Variants in TMEM167A observed in about 807,000 individuals in gnomAD.
The protein encoded by TMEM167A is protein kish-A.
TMEM167A carries 8 observed loss-of-function variants against 11.6 expected under a neutral mutation model. The observed-to-expected ratio is 0.69, with a 90% CI of 0.40 to 1.24. The LOEUF (loss-of-function observed/expected upper bound fraction) is 1.24. Among genes scored for constraint, TMEM167A ranks in the 50% most tolerant of loss-of-function variants. TMEM167A has a pLI of 0.01. For synonymous variants in TMEM167A, 22 were observed against 28.0 expected, an observed-to-expected ratio of 0.79 and a Z score of 0.67; for missense variants, 62 against 87.0, an observed-to-expected ratio of 0.71 and a Z score of 1.14.
At chr5:83,069,708 T>A (rs1342099222) in intron 1 of TMEM167A, among the ~76,000 whole-genome samples, 1 of 152,100 alleles carries the variant, frequency 6.6e-6, no homozygotes, top group Non-Finnish European at 1.5e-5. Context: ...ATAGAACACA[T>A]CATACTGTAC....
At chr5:83,057,755 T>C (rs902010133) in intron 3 of TMEM167A, among the ~76,000 whole-genome samples, 5 of 152,130 alleles carry the variant, frequency 3.3e-5, no homozygotes, top group African/African-American at 1.2e-4. Flanking sequence ...AAAGTAGAAC[T>C]AAAACTAACC....
intron 2 of TMEM167A, 104 bp from the exon 3 acceptor site, chr5:83,062,015 C>A (rs557914690): frequency 3.3e-5 from 30 of 908,460 alleles, no homozygotes; most frequent in Non-Finnish European, 4.4e-5. Context: ...AACATATTAA[C>A]CTTTAACACT....
At position 83,069,603 on chromosome 5, in the gene TMEM167A, C is replaced by T. The variant is rs143223173; in HGVS notation, c.4-4486G>A. 3.9e-5 allele frequency among the ~76,000 whole-genome samples: 6 copies of T among 152,116 alleles called. No homozygotes were observed. The East Asian group carries it at 9.7e-4, about 25-fold the overall frequency. ...GCGTCCAATCTCAACTCAAGATTCACCTCCTCTGATGTCTTTCCTGTTCCC... is the reference window on the plus strand; with the variant it reads ...GCGTCCAATCTCAACTCAAGATTCATCTCCTCTGATGTCTTTCCTGTTCCC... On this transcript the variant is annotated intron_variant, in intron 1 of 3. Coordinates refer to ENST00000502346, the MANE Select transcript of TMEM167A (RefSeq NM_174909.5).
intron 1 of TMEM167A, among the ~76,000 whole-genome samples, chr5:83,074,932 G>A (rs766337253): frequency 3.2e-4 from 48 of 152,182 alleles, no homozygotes; most frequent in Non-Finnish European, 5.4e-4. Context: ...CACCACGCCC[G>A]GCTAATTTTT....
intron 1 of TMEM167A, 141 bp downstream of exon 1, chr5:83,077,180 G>C: frequency 2.5e-6 from 3 of 1,187,548 alleles, no homozygotes; most frequent in Non-Finnish European, 3.7e-6. Flanking sequence ...CTCTCTGGTT[G>C]GCCGTGGAGG....
intron 1 of TMEM167A, among the ~76,000 whole-genome samples, chr5:83,067,555 A>G (rs962788967): frequency 1.3e-5 from 2 of 152,150 alleles, no homozygotes; most frequent in Non-Finnish European, 2.9e-5. Context: ...CCCAGGCTGA[A>G]GTGCAGTGGT....
At chr5:83,070,470 CG>C (rs1722896782) in intron 1 of TMEM167A, among the ~76,000 whole-genome samples, 1 of 152,070 alleles carries the variant, frequency 6.6e-6, no homozygotes, top group Admixed American at 6.5e-5. Context: ...TTACCCAAAC[CG>C]GAAGGATATA....
intron 1 of TMEM167A, among the ~76,000 whole-genome samples, chr5:83,068,706 C>G (rs576877627): frequency 6.6e-6 from 1 of 152,110 alleles, no homozygotes; most frequent in Non-Finnish European, 1.5e-5. Flanking sequence ...TAATGAGAAT[C>G]TTACTGTATT....
At chr5:83,061,604 A>T (rs1276637561) in intron 3 of TMEM167A, among the ~76,000 whole-genome samples, 1 of 152,172 alleles carries the variant, frequency 6.6e-6, no homozygotes, top group African/African-American at 2.4e-5. Flanking sequence ...CATGTTGGCC[A>T]GACTGGTCTC....
At chr5:83,062,812 A>T (rs1744425677) in intron 2 of TMEM167A, among the ~76,000 whole-genome samples, 1 of 151,948 alleles carries the variant, frequency 6.6e-6, no homozygotes, top group Non-Finnish European at 1.5e-5. Context: ...ATCTCAAGAA[A>T]ATCAGAATAC....
rs1243875406 is a variant in TMEM167A, at chr5:83,054,141, A to G, written c.*2943T>C. On this transcript the variant is annotated 3_prime_UTR_variant, in exon 4 of 4. Transcript: ENST00000502346. ...TCTTATTACTAAGATGAAGGAATCT[A>G]TTGCAAGTTACACGTTACTATCATC... 1 of 152,010 alleles carries G rather than the reference A, an allele frequency of 6.6e-6. No homozygotes were observed. Among genetic ancestry groups the G allele is most frequent in the Non-Finnish European group, 1.5e-5 (1 of 67,934 alleles). 9.4% of individuals were successfully genotyped at this position (152,010 alleles called of 1,614,324 possible).
intron 1 of TMEM167A, among the ~76,000 whole-genome samples, chr5:83,073,247 A>G (rs1235393847): frequency 6.6e-6 from 1 of 152,356 alleles, no homozygotes; most frequent in East Asian, 1.9e-4. Flanking sequence ...TGTATGTAAA[A>G]TAAAACACCT....
intron 1 of TMEM167A, among the ~76,000 whole-genome samples, chr5:83,071,753 A>G (rs974093605): frequency 6.6e-6 from 1 of 152,200 alleles, no homozygotes; most frequent in Admixed American, 6.5e-5. Context: ...AAGTAACCTC[A>G]GTTTAATTTG....
At chr5:83,070,271 G>A (rs1744541488) in intron 1 of TMEM167A, among the ~76,000 whole-genome samples, 1 of 152,108 alleles carries the variant, frequency 6.6e-6, no homozygotes, top group Non-Finnish European at 1.5e-5. Context: ...GACTGAGTAC[G>A]CAGGTTATCT....
chr5:83,067,801 T>C (rs531028123), intron 1 of TMEM167A, among the ~76,000 whole-genome samples: 1 of 152,204 alleles, frequency 6.6e-6, no homozygotes, highest in East Asian at 1.9e-4. Flanking sequence ...GCGTGAGCCA[T>C]CTCTAGATAG....
At position 83,057,134 on chromosome 5, in the gene TMEM167A, C is replaced by A; in HGVS notation, c.169G>T (p.Val57Phe). The A allele has an allele frequency of 6.2e-7, 1 of 1,612,136 alleles. No homozygotes were observed. Among genetic ancestry groups the A allele is most frequent in the Non-Finnish European group, 8.5e-7 (1 of 1,178,876 alleles). Residue 57 changes from valine (V) to phenylalanine (F), a missense_variant, in exon 4 of 4, where the codon GTT (valine) becomes TTT (phenylalanine). Coordinates refer to ENST00000502346, the MANE Select transcript of TMEM167A (RefSeq NM_174909.5). ...GCCATTACTATACAGCATACTGCAA[C>A]ATAAGGACTCTTCCGTTCACCTGTT... is the stretch of plus-strand genomic sequence containing the variant. The part of the protein sequence containing the change: ...ARIGERKSPY[V>F]AVCCIVMAFS...
chr5:83,069,344 A>T (rs901056973), intron 1 of TMEM167A, among the ~76,000 whole-genome samples: 1 of 152,156 alleles, frequency 6.6e-6, no homozygotes, highest in Non-Finnish European at 1.5e-5. Context: ...TCAGTGAAAA[A>T]ATAATTGCAA....
Position 83,065,133 on chromosome 5 carries a change from AAAAAG to A in TMEM167A, c.4-21_4-17del. On this transcript the variant is annotated splice_polypyrimidine_tract_variant and intron_variant, in intron 1 of 3. Coordinates refer to ENST00000502346, the MANE Select transcript of TMEM167A (RefSeq NM_174909.5). ...AAATGGCAGACTAAAAAGAAAAAAA[AAAAAG>A]AAAAATTAATATCAAGAAAAACTGC... 2 of 1,495,398 alleles carry A rather than the reference AAAAAG, an allele frequency of 1.3e-6. No individual in the cohort carries two copies. Among genetic ancestry groups the A allele is most frequent in the East Asian group, 4.5e-5 (2 of 44,156 alleles). 92.6% of individuals were successfully genotyped at this position (1,495,398 alleles called of 1,614,324 possible).
In TMEM167A at chr5:83,055,425, T is replaced by C. The variant is rs2112236027; in HGVS notation, c.*1659A>G. On this transcript the variant is annotated 3_prime_UTR_variant, in exon 4 of 4. Coordinates refer to ENST00000502346, the MANE Select transcript of TMEM167A (RefSeq NM_174909.5). ...CATGCATACACTGACAAGAATCCTA[T>C]TTTTGAGAAACCCTAAAAATCCTTG... The C allele has an allele frequency of 6.6e-6, 1 of 152,082 alleles. No individual in the cohort carries two copies. The highest frequency in any genetic ancestry group is 1.5e-5 in the Non-Finnish European group (1 of 67,938). 9.4% of individuals were successfully genotyped at this position (152,082 alleles called of 1,614,324 possible). A position where few individuals can be genotyped will look rare whatever the true frequency, so the allele number is the denominator to read the frequency against.
Sources: allele counts gnomAD v4.1 joint callset (sites outside exome capture counted in the v4.1 genomes callset), GRCh38; gene constraint gnomAD v4.1.1; transcripts MANE v1.5; gene names NCBI Gene and HGNC (gene_info 2026-07-23, HGNC 2026-07-21).